TMX4: variants seen among roughly 807,000 people sequenced by gnomAD.
TMX4 encodes the protein thioredoxin related transmembrane protein 4.
Under a neutral mutation model 33.3 loss-of-function variants are expected in TMX4, and 23 were observed. The ratio of observed to expected loss-of-function variants is 0.69; its 90% confidence interval spans 0.50 to 0.98. The LOEUF (loss-of-function observed/expected upper bound fraction) is 0.98, where lower values mean the gene tolerates loss of function less well. Among genes scored for constraint, TMX4 ranks in the 50% least tolerant of loss-of-function variants. The pLI is 0.00. For missense variants in TMX4, 399 were observed against 448.9 expected (o/e 0.89, Z 1.01); for synonymous variants, 164 against 161.5 (o/e 1.02, Z -0.12).
chr20:8,006,212 A>G (rs780672703), intron 2 of TMX4, among the ~76,000 whole-genome samples: 7 of 150,882 alleles, frequency 4.6e-5, no homozygotes, highest in Admixed American at 6.6e-5. Context: ...CACACCCCCA[A>G]CGCACACCCT....
chr20:8,006,134 G>T (rs1439822244), intron 2 of TMX4, among the ~76,000 whole-genome samples: 1 of 149,998 alleles, frequency 6.7e-6, no homozygotes, highest in Non-Finnish European at 1.5e-5. Context: ...CCGTGGGATC[G>T]GAGCCCCACA....
intron 1 of TMX4, among the ~76,000 whole-genome samples, chr20:8,010,915 CA>C (rs1414332179): frequency 1.3e-5 from 2 of 152,080 alleles, no homozygotes; most frequent in Non-Finnish European, 2.9e-5. Flanking sequence ...CTACTTTTTA[CA>C]GTTATTTTTC....
chr20:8,009,257 AT>A (rs772085054), intron 2 of TMX4, among the ~76,000 whole-genome samples: 16 of 152,140 alleles, frequency 1.1e-4, no homozygotes, highest in Non-Finnish European at 1.0e-4. Context: ...TCTTTTCAGA[AT>A]TTAAAAGTCT....
intron 1 of TMX4, among the ~76,000 whole-genome samples, chr20:8,017,131 C>T (rs2050779018): frequency 6.6e-6 from 1 of 151,860 alleles, no homozygotes; most frequent in African/African-American, 2.4e-5. Flanking sequence ...GGAGGAGTAT[C>T]ACCTGATAAT....
At chr20:8,015,988 G>A (rs116138329) in intron 1 of TMX4, among the ~76,000 whole-genome samples, 2,104 of 152,080 alleles carry the variant, frequency 0.014, 43 homozygotes, top group African/African-American at 0.047. Context: ...TTTCTTCTGG[G>A]GGAAAAAGCC....
chr20:7,978,967 A>G lies in TMX4; in HGVS notation c.*3284T>C, dbSNP rs1248684980. The G allele has an allele frequency of 6.6e-6, 1 of 152,218 alleles. No homozygotes were observed. The highest frequency in any genetic ancestry group is 2.4e-5 in the African/African-American group (1 of 41,466). The allele number at this position is 152,218 out of a possible 1,614,324, so 9.4% of individuals were successfully genotyped here. Reference sequence around the variant, plus strand: ...CAAACATAAAGCACTGCACATTCCCATTCCAAAACCAGTTACCTGCATTGC... The same window carrying G: ...CAAACATAAAGCACTGCACATTCCCGTTCCAAAACCAGTTACCTGCATTGC... On this transcript the variant is annotated 3_prime_UTR_variant, in exon 8 of 8. Coordinates refer to ENST00000246024, the MANE Select transcript of TMX4 (RefSeq NM_021156.4).
chr20:8,019,225 T>G, intron 1 of TMX4: 29 of 546,918 alleles, frequency 5.3e-5, no homozygotes, highest in East Asian at 2.3e-4. Context: ...CGCAGGTCGT[T>G]GGTAAGGCGG....
In TMX4 at chr20:7,982,344, T is replaced by C. The variant is rs746155207; in HGVS notation, c.957A>G (p.Glu319=). Residue 319 remains glutamate (E), a synonymous_variant, in exon 8 of 8, where the codon GAA becomes GAG. Transcript: ENST00000246024. ...REEVEPEEAE[E]GISEQPCPAD... is the part of the protein sequence containing the mutation. The stretch of plus-strand genomic sequence containing the variant: ...CTGGGCAGGGTTGCTCAGAGATGCC[T>C]TCTTCAGCCTCCTCAGGCTCTACTT... 33 of 1,613,978 alleles carry C rather than the reference T, an allele frequency of 2.0e-5. No individual in the cohort carries two copies. In the Admixed American group the frequency reaches 5.2e-4, roughly 25 times the overall value.
rs887364316 is a variant in TMX4, at chr20:7,978,063, T to C, written c.*4188A>G. On this transcript the variant is annotated 3_prime_UTR_variant, in exon 8 of 8. Coordinates refer to ENST00000246024, the MANE Select transcript of TMX4 (RefSeq NM_021156.4). ...AATGTAGGACTGAGGTAAAGAGATA[T>C]TAAACAAGAAGGAACTTTTCTGTTG... The C allele has an allele frequency of 3.3e-5, 5 of 152,202 alleles. No homozygotes were observed. The highest frequency in any genetic ancestry group is 6.5e-5 in the Admixed American group (1 of 15,274). The allele number at this position is 152,202 out of a possible 1,614,324, so 9.4% of individuals were successfully genotyped here.
chr20:7,992,626 A>T (rs2122859503), intron 5 of TMX4, among the ~76,000 whole-genome samples: 1 of 152,302 alleles, frequency 6.6e-6, no homozygotes, highest in South Asian at 2.1e-4. Flanking sequence ...AATGCAAACC[A>T]AACCAACTCC....
At chr20:7,995,359 G>C (rs1232614194) in intron 5 of TMX4, among the ~76,000 whole-genome samples, 2 of 152,164 alleles carry the variant, frequency 1.3e-5, no homozygotes, top group Non-Finnish European at 2.9e-5. Flanking sequence ...GGAAATAAAA[G>C]GTTATGGGAC....
In TMX4 at chr20:7,999,724, T is replaced by C; in HGVS notation, c.467+8A>G. 1 of 1,607,102 alleles carries C rather than the reference T, an allele frequency of 6.2e-7. No homozygotes were observed. On this transcript the variant is annotated splice_region_variant and intron_variant, in intron 4 of 7. Transcript: ENST00000246024. ...TTAGTAACACCTTGTCTTAAAAAAT[T>C]GAGTTACGTTAGAGAAGCCGGGGAT...
At chr20:7,987,844 T>C (rs2050637474) in intron 5 of TMX4, among the ~76,000 whole-genome samples, 1 of 152,104 alleles carries the variant, frequency 6.6e-6, no homozygotes, top group Non-Finnish European at 1.5e-5. Flanking sequence ...TAGACTCTCA[T>C]TGCTCTACAC....
chr20:7,985,422 T>G (rs2050627195), intron 6 of TMX4, among the ~76,000 whole-genome samples: 1 of 151,400 alleles, frequency 6.6e-6, no homozygotes, highest in African/African-American at 2.4e-5. Context: ...TACAGGTGTG[T>G]GCCACCATGC....
In TMX4 at chr20:8,018,528, G is replaced by GCAA. The variant is rs1568541378; in HGVS notation, c.176+909_176+910insTTG. 0.014 allele frequency among the ~76,000 whole-genome samples: 571 copies of GCAA among 41,984 alleles called. 190 individuals carry two copies. The East Asian group carries it at 0.4, about 29-fold the overall frequency. The allele number at this position is 41,984 out of a possible 152,430, so 27.5% of individuals were successfully genotyped here. A position where few individuals can be genotyped will look rare whatever the true frequency, so the allele number is the denominator to read the frequency against. ...AGAGAGAGAGAGAGAGAGAGAGAGA[G>GCAA]TCTGCAAGCCCACCATGATGGTCTC... is the stretch of plus-strand genomic sequence containing the variant. On this transcript the variant is annotated intron_variant, in intron 1 of 7. Coordinates refer to ENST00000246024, the MANE Select transcript of TMX4 (RefSeq NM_021156.4).
intron 5 of TMX4, among the ~76,000 whole-genome samples, chr20:7,995,014 G>A (rs906711625): frequency 5.3e-5 from 8 of 152,072 alleles, no homozygotes; most frequent in Non-Finnish European, 8.8e-5. Context: ...TCTTCAATTC[G>A]CCTCTGTTGT....
At chr20:8,011,305 A>G (rs534417958) in intron 1 of TMX4, among the ~76,000 whole-genome samples, 3 of 152,208 alleles carry the variant, frequency 2.0e-5, no homozygotes, top group South Asian at 2.1e-4. Context: ...CCAATAGAAT[A>G]TAACACTCAC....
intron 6 of TMX4, among the ~76,000 whole-genome samples, chr20:7,984,559 T>C (rs1270437636): frequency 6.6e-6 from 1 of 152,170 alleles, no homozygotes; most frequent in Non-Finnish European, 1.5e-5. Flanking sequence ...TTTGAAAACC[T>C]TACCTTTTAA....
chr20:8,019,653 G>A lies in TMX4; in HGVS notation c.-40C>T. ...GAGGCTTCTCGGCGGGGAGTGTGGGGAAGGGCAGCGGCCGGCCCGCAGCCT... is the reference window on the plus strand; with the variant it reads ...GAGGCTTCTCGGCGGGGAGTGTGGGAAAGGGCAGCGGCCGGCCCGCAGCCT... On this transcript the variant is annotated 5_prime_UTR_variant, in exon 1 of 8. Transcript: ENST00000246024. 1 of 1,304,522 alleles carries A rather than the reference G, an allele frequency of 7.7e-7. No homozygotes were observed. Among genetic ancestry groups the A allele is most frequent in the Non-Finnish European group, 9.7e-7 (1 of 1,026,492 alleles). The allele number at this position is 1,304,522 out of a possible 1,614,324, so 80.8% of individuals were successfully genotyped here.
Sources: allele counts gnomAD v4.1 joint callset (sites outside exome capture counted in the v4.1 genomes callset), GRCh38; gene constraint gnomAD v4.1.1; transcripts MANE v1.5; gene names NCBI Gene and HGNC (gene_info 2026-07-23, HGNC 2026-07-21).